Variants in TAOK3 observed in about 807,000 individuals in gnomAD.
The protein encoded by TAOK3 is serine/threonine-protein kinase TAO3.
TAOK3 carries 40 observed loss-of-function variants against 120.4 expected under a neutral mutation model. The ratio of observed to expected loss-of-function variants is 0.33; its 90% CI spans 0.26 to 0.43. The LOEUF (loss-of-function observed/expected upper bound fraction) is 0.43. Among genes scored for constraint, TAOK3 ranks in the 20% least tolerant of loss-of-function variants. The probability of loss-of-function intolerance (pLI) is 1.00; values close to 1 mark genes in which losing one functional copy is unlikely to be tolerated. For missense variants in TAOK3, 821 were observed against 1,112.1 expected (o/e 0.74, Z 3.72); for synonymous variants, 355 against 387.5 (o/e 0.92, Z 0.99).
chr12:118,205,048 T>C (rs1158592443), intron 11 of TAOK3, among the ~76,000 whole-genome samples: 2 of 152,096 alleles, frequency 1.3e-5, no homozygotes, highest in Non-Finnish European at 2.9e-5. Context: ...CACGTGCCTG[T>C]AGTCCCAGCT....
chr12:118,184,544 G>C (rs948642503), intron 14 of TAOK3, among the ~76,000 whole-genome samples: 3 of 152,084 alleles, frequency 2.0e-5, no homozygotes, highest in African/African-American at 7.2e-5. Context: ...TATGGTTCTT[G>C]AATTGCCTGA....
intron 1 of TAOK3, among the ~76,000 whole-genome samples, chr12:118,310,558 A>T (rs2043223322): frequency 6.6e-6 from 1 of 152,116 alleles, no homozygotes; most frequent in Non-Finnish European, 1.5e-5. Flanking sequence ...CTGGTATCTC[A>T]TTTTTCTTGG....
chr12:118,344,585 A>C (rs1459017708), intron 1 of TAOK3, among the ~76,000 whole-genome samples: 1 of 152,098 alleles, frequency 6.6e-6, no homozygotes, highest in African/African-American at 2.4e-5. Flanking sequence ...TTTTGATTTC[A>C]CAGTCCTGTT....
chr12:118,357,363 T>C (rs2045441347), intron 1 of TAOK3, among the ~76,000 whole-genome samples: 1 of 152,368 alleles, frequency 6.6e-6, no homozygotes, highest in Non-Finnish European at 1.5e-5. Context: ...ACAAAGCAGC[T>C]GTAGTTTTAA....
Position 118,151,070 on chromosome 12 carries a change from A to G in TAOK3, c.2624T>C (p.Phe875Ser). ...LERQEREIET[F>S]DMESLRMGFG... Reference sequence around the variant, plus strand: ...TCCCATTCTGAGGCTCTCCATGTCAAAAGTTTCAATCTCTCGCTCTTGCCT... The same window carrying G: ...TCCCATTCTGAGGCTCTCCATGTCAGAAGTTTCAATCTCTCGCTCTTGCCT... The change falls in exon 21 of 21, where the codon TTT becomes TCT. Residue 875 changes from phenylalanine to serine, a missense_variant. By Grantham distance (155) the Phe-to-Ser change is radical (BLOSUM62 -2). Coordinates refer to ENST00000392533, the MANE Select transcript of TAOK3 (RefSeq NM_016281.4). The G allele has an allele frequency of 6.2e-7, 1 of 1,613,442 alleles. No individual in the cohort carries two copies. Among genetic ancestry groups the G allele is most frequent in the Non-Finnish European group, 8.5e-7 (1 of 1,179,952 alleles).
intron 1 of TAOK3, among the ~76,000 whole-genome samples, chr12:118,368,718 A>C (rs2045813378): frequency 6.6e-6 from 1 of 150,680 alleles, no homozygotes; most frequent in Admixed American, 6.6e-5. Context: ...AGGCAGGAGA[A>C]TCGCTGGAAC....
chr12:118,181,725 T>C, intron 14 of TAOK3, 118 bp from the exon 15 acceptor site: 1 of 815,800 alleles, frequency 1.2e-6, no homozygotes, highest in Non-Finnish European at 2.0e-6. Context: ...TCAATTTACC[T>C]ACTGTTTAGT....
Position 118,161,927 on chromosome 12 carries a change from A to G in TAOK3, c.2000T>C (p.Leu667Ser), listed in dbSNP as rs1188491568. The G allele has an allele frequency of 2.5e-6, 4 of 1,613,628 alleles. No individual in the cohort carries two copies. The East Asian group carries it at 8.9e-5, about 36-fold the overall frequency. Reference protein sequence around the residue: ...RELEYRQLHTLQKLRMDLIRL... With the variant: ...RELEYRQLHTSQKLRMDLIRL... ...GATCAGATCCATGCGTAGCTTCTGT[A>G]ACGTGTGCAGCTGCCTGTACTCTAG... Residue 667 changes from leucine (L) to serine (S), a missense_variant, in exon 18 of 21, where the codon TTA (leucine) becomes TCA (serine). Physicochemically the swap from Leu to Ser is moderately radical, Grantham distance 145. Around this residue, in one of 2 missense-constraint regions of TAOK3, gnomAD observed 354 missense variants for 572.1 expected, o/e 0.62. Coordinates refer to ENST00000392533, the MANE Select transcript of TAOK3 (RefSeq NM_016281.4). The surrounding 1 kb of genome is among the most constrained non-coding windows in gnomAD (Gnocchi z 4.5).
At position 118,372,716 on chromosome 12, in the gene TAOK3, T is replaced by C. The variant is rs2045939134; in HGVS notation, c.-262A>G. 6.4e-6 allele frequency: 1 copy of C among 155,842 alleles called. No homozygotes were observed. The highest frequency in any genetic ancestry group is 1.4e-5 in the Non-Finnish European group (1 of 70,666). 9.7% of individuals were successfully genotyped at this position (155,842 alleles called of 1,614,324 possible). A position where few individuals can be genotyped will look rare whatever the true frequency, so the allele number is the denominator to read the frequency against. Reference sequence around the variant, plus strand: ...CCGCTTCCTCTCCCACACTTGTTCCTGAGTCGCTCTCCTGTGGCTTGTTCC... The same window carrying C: ...CCGCTTCCTCTCCCACACTTGTTCCCGAGTCGCTCTCCTGTGGCTTGTTCC... On this transcript the variant is annotated 5_prime_UTR_variant, in exon 1 of 21. Transcript: ENST00000392533. This position sits in a 1 kb window ranked among gnomAD's most constrained non-coding sequence, Gnocchi z 4.6.
At chr12:118,303,735 C>T (rs1016604863) in intron 1 of TAOK3, among the ~76,000 whole-genome samples, 3 of 152,304 alleles carry the variant, frequency 2.0e-5, no homozygotes, top group Non-Finnish European at 1.5e-5. Context: ...GCAACCTCCA[C>T]CTCCCGGGTT....
intron 1 of TAOK3, among the ~76,000 whole-genome samples, chr12:118,347,276 G>A (rs2044905050): frequency 6.6e-6 from 1 of 152,186 alleles, no homozygotes; most frequent in Non-Finnish European, 1.5e-5. Flanking sequence ...GCCTCCCCAA[G>A]TGCTGGGATT....
At chr12:118,310,676 T>A (rs1371156610) in intron 1 of TAOK3, among the ~76,000 whole-genome samples, 1 of 152,156 alleles carries the variant, frequency 6.6e-6, no homozygotes, top group Non-Finnish European at 1.5e-5. Flanking sequence ...TTGATATAAT[T>A]TATTAAATGT....
chr12:118,159,726 AG>A, intron 19 of TAOK3: 1 of 225,928 alleles, frequency 4.4e-6, no homozygotes, highest in Non-Finnish European at 8.8e-6. Flanking sequence ...GCTTAATAAA[AG>A]TTTATTGCAT....
chr12:118,326,248 A>G (rs1043506434), intron 1 of TAOK3, among the ~76,000 whole-genome samples: 2 of 152,160 alleles, frequency 1.3e-5, no homozygotes, highest in Non-Finnish European at 2.9e-5. Context: ...CAGTTTTGCC[A>G]TTTATTGAAG....
At chr12:118,169,879 C>T (rs1038567455) in intron 17 of TAOK3, among the ~76,000 whole-genome samples, 2 of 152,080 alleles carry the variant, frequency 1.3e-5, no homozygotes, top group African/African-American at 4.8e-5. Flanking sequence ...TGCCACTGCG[C>T]CCAGCCAATT....
chr12:118,225,464 T>G (rs1184553718), intron 9 of TAOK3, among the ~76,000 whole-genome samples: 2 of 151,988 alleles, frequency 1.3e-5, no homozygotes, highest in Admixed American at 1.3e-4. Flanking sequence ...TGAAAATGTA[T>G]GATAAAGCTG....
chr12:118,240,763 T>C (rs1436452069), intron 5 of TAOK3, among the ~76,000 whole-genome samples: 1 of 152,142 alleles, frequency 6.6e-6, no homozygotes, highest in African/African-American at 2.4e-5. Context: ...CTACAAATTA[T>C]TGTTATTTAA....
intron 3 of TAOK3, chr12:118,246,406 A>C (rs941645839): frequency 6.6e-7 from 1 of 1,512,596 alleles, no homozygotes; most frequent in Admixed American, 1.9e-5. Flanking sequence ...GAGGTTTTGA[A>C]GATTATGCCA....
At chr12:118,239,123 A>G (rs2139929398) in intron 6 of TAOK3, 104 bp downstream of exon 6, 1 of 741,948 alleles carries the variant, frequency 1.3e-6, no homozygotes, top group Non-Finnish European at 2.4e-6. Context: ...CTAAAGCTCA[A>G]GCCATCATTC....
Sources: allele counts gnomAD v4.1 joint callset (sites outside exome capture counted in the v4.1 genomes callset), GRCh38; gene constraint gnomAD v4.1.1; regional missense constraint gnomAD v4.1.1; non-coding constraint Gnocchi (gnomAD v3.1); transcripts MANE v1.5; gene names NCBI Gene and HGNC (gene_info 2026-07-23, HGNC 2026-07-21).